Variants in SMAP2 observed in about 807,000 individuals in gnomAD.
SMAP2 encodes the protein small ArfGAP2.
Under a neutral mutation model 56.4 loss-of-function variants are expected in SMAP2, and 25 were observed. The observed-to-expected ratio is 0.44, with a 90% CI of 0.32 to 0.62. The LOEUF (loss-of-function observed/expected upper bound fraction) is 0.62. Among genes scored for constraint, SMAP2 ranks in the 20% least tolerant of loss-of-function variants. SMAP2 has a pLI of 0.04. For synonymous variants in SMAP2, 157 were observed against 181.7 expected (o/e 0.86, Z 1.09); for missense variants, 388 against 545.6 (o/e 0.71, Z 2.88).
intron 7 of SMAP2, 39 bp downstream of exon 7, chr1:40,415,420 GA>G (rs1167764437): frequency 1.5e-6 from 2 of 1,308,552 alleles, no homozygotes; most frequent in East Asian, 4.6e-5. Context: ...AGAACATTCT[GA>G]AATGGGTGAT....
rs527743514 is a variant in SMAP2, at chr1:40,356,601, G to A, written c.-82-5699G>A. Among the ~76,000 whole-genome samples the A allele has an allele frequency of 2.6e-5, 4 of 151,994 alleles. No homozygotes were observed. In the South Asian group the frequency reaches 6.2e-4, roughly 24 times the overall value. ...AATTTTTTGTATTTTTGGTAGAGAC[G>A]GGGTTTCACTGTGTCAACCAGGATG... On this transcript the variant is annotated intron_variant, in intron 1 of 6. Transcript: ENST00000435168.
At chr1:40,375,675 A>G (rs189057860) in intron 1 of SMAP2, 38 of 326,714 alleles carry the variant, frequency 1.2e-4, no homozygotes, top group African/African-American at 5.3e-4. Flanking sequence ...TGTTAGGTCT[A>G]TTGGAAGATT....
intron 1 of SMAP2, among the ~76,000 whole-genome samples, chr1:40,394,294 G>T (rs1027860546): frequency 2.2e-4 from 33 of 152,142 alleles, no homozygotes; most frequent in African/African-American, 7.7e-4. Flanking sequence ...GAATCTTCAA[G>T]TAACCATGTC....
At chr1:40,401,132 G>T (rs1329425958) in intron 1 of SMAP2, among the ~76,000 whole-genome samples, 1 of 152,196 alleles carries the variant, frequency 6.6e-6, no homozygotes, top group African/African-American at 2.4e-5. Context: ...GCGTGATCGC[G>T]GGCGCCTGTA....
intron 1 of SMAP2, among the ~76,000 whole-genome samples, chr1:40,376,134 A>G (rs920150859): frequency 1.3e-5 from 2 of 151,748 alleles, no homozygotes; most frequent in Non-Finnish European, 2.9e-5. Flanking sequence ...TATTTTTAGT[A>G]GAGACAGGGT....
intron 4 of SMAP2, among the ~76,000 whole-genome samples, chr1:40,410,590 A>T (rs754365706): frequency 7.2e-5 from 11 of 152,140 alleles, no homozygotes; most frequent in Admixed American, 2.6e-4. Context: ...ACCTGCTGAT[A>T]ACCAGTGTGT....
At chr1:40,376,194 A>G (rs1007563740) in intron 1 of SMAP2, among the ~76,000 whole-genome samples, 1 of 151,544 alleles carries the variant, frequency 6.6e-6, no homozygotes, top group Non-Finnish European at 1.5e-5. Flanking sequence ...CAGGTGATCC[A>G]CCCGCCTCAG....
intron 6 of SMAP2, among the ~76,000 whole-genome samples, chr1:40,414,805 T>G (rs1046523925): frequency 2.6e-5 from 4 of 152,246 alleles, no homozygotes; most frequent in Non-Finnish European, 5.9e-5. Context: ...TTTGAAATCC[T>G]GAACTAGTGA....
chr1:40,379,639 C>T (rs377459281), intron 1 of SMAP2, among the ~76,000 whole-genome samples: 39 of 149,980 alleles, frequency 2.6e-4, no homozygotes, highest in East Asian at 2.0e-4. Flanking sequence ...CTCCCCCTCC[C>T]GGGTTCAAGT....
chr1:40,374,596 C>CGT lies in SMAP2; in HGVS notation c.103+401_103+402dup, dbSNP rs72258841. The CGT allele has an allele frequency of 1.0e-3, 1,048 of 1,002,096 alleles. 1 individual carries two copies. The highest frequency in any genetic ancestry group is 8.4e-3 in the Admixed American group (368 of 43,754). The allele number at this position is 1,002,096 out of a possible 1,614,324, so 62.1% of individuals were successfully genotyped here. A position where few individuals can be genotyped will look rare whatever the true frequency, so the allele number is the denominator to read the frequency against. ...ACTGCATTGCGTGCGTGCGTGCGTGCGTGTGTGTGTGTGTGTGTGTGTGTG... is the reference window on the plus strand; with the variant it reads ...ACTGCATTGCGTGCGTGCGTGCGTGCGTGTGTGTGTGTGTGTGTGTGTGTGTG... On this transcript the variant is annotated intron_variant, in intron 1 of 9. Coordinates refer to ENST00000372718, the MANE Select transcript of SMAP2 (RefSeq NM_022733.3). This position sits in a 1 kb window ranked among gnomAD's most constrained non-coding sequence, Gnocchi z 5.9.
intron 1 of SMAP2, among the ~76,000 whole-genome samples, chr1:40,357,165 A>G (rs953865863): frequency 1.3e-5 from 2 of 151,892 alleles, no homozygotes; most frequent in Non-Finnish European, 2.9e-5. Context: ...AGTATTTCCA[A>G]TGGACCCCAT....
intron 1 of SMAP2, among the ~76,000 whole-genome samples, chr1:40,401,222 C>T (rs1195120853): frequency 6.6e-6 from 1 of 152,184 alleles, no homozygotes; most frequent in African/African-American, 2.4e-5. Context: ...GAGATCGCGC[C>T]ACTGCACTCC....
chr1:40,381,789 GA>G (rs1644602315), intron 1 of SMAP2, among the ~76,000 whole-genome samples: 1 of 152,212 alleles, frequency 6.6e-6, no homozygotes, highest in Admixed American at 6.5e-5. Context: ...TTGCAGGCAT[GA>G]AACGCTTCCT....
Position 40,386,664 on chromosome 1 carries a change from T to C in SMAP2, c.103+12441T>C, listed in dbSNP as rs1342328293. Among the ~76,000 whole-genome samples, 1 of 136,240 alleles carries C rather than the reference T, an allele frequency of 7.3e-6. No homozygotes were observed. Among genetic ancestry groups the C allele is most frequent in the African/African-American group, 3.8e-5 (1 of 26,462 alleles). 89.4% of individuals were successfully genotyped at this position (136,240 alleles called of 152,430 possible). On this transcript the variant is annotated intron_variant, in intron 1 of 9. Coordinates refer to ENST00000372718, the MANE Select transcript of SMAP2 (RefSeq NM_022733.3). This position sits in a 1 kb window ranked among gnomAD's most constrained non-coding sequence, Gnocchi z 4.1. ...TGCCATAGGAACAGACCAGTTGTTT[T>C]CTGTCTTGTGGGATTTTAGGAGCTG...
chr1:40,416,594 C>T (rs892794299), intron 8 of SMAP2, among the ~76,000 whole-genome samples, 186 bp from the exon 9 acceptor site: 6 of 152,142 alleles, frequency 3.9e-5, no homozygotes, highest in Admixed American at 1.3e-4. Context: ...GAAAATGGCT[C>T]GGTCAGCAGC....
At chr1:40,356,653 G>A (rs570914809) in intron 1 of SMAP2, among the ~76,000 whole-genome samples, 4 of 152,120 alleles carry the variant, frequency 2.6e-5, no homozygotes, top group Non-Finnish European at 4.4e-5. Context: ...TTTGTGAGCC[G>A]CCCGCCTTGG....
chr1:40,400,586 G>A (rs1644822726), intron 1 of SMAP2, among the ~76,000 whole-genome samples: 1 of 152,168 alleles, frequency 6.6e-6, no homozygotes, highest in African/African-American at 2.4e-5. Flanking sequence ...AAGGAGAGAG[G>A]TTTCATGATG....
intron 4 of SMAP2, 44 bp downstream of exon 4, chr1:40,409,879 G>A: frequency 2.4e-6 from 3 of 1,247,718 alleles, no homozygotes; most frequent in Non-Finnish European, 2.4e-6. Flanking sequence ...TAAGTAATGT[G>A]CTTATTAAAT....
chr1:40,374,238 C>A lies in SMAP2; in HGVS notation c.103+15C>A. ...CCAGTCTAAAGGTAGCGCATCCCAC[C>A]TGGCGGGCCAGGGGTCCAGCCGCGC... On this transcript the variant is annotated intron_variant, in intron 1 of 9. Transcript: ENST00000372718. This position sits in a 1 kb window ranked among gnomAD's most constrained non-coding sequence, Gnocchi z 5.9. The A allele has an allele frequency of 6.3e-7, 1 of 1,599,308 alleles. No individual in the cohort carries two copies. Among genetic ancestry groups the A allele is most frequent in the Non-Finnish European group, 8.5e-7 (1 of 1,172,532 alleles).
Sources: allele counts gnomAD v4.1 joint callset (sites outside exome capture counted in the v4.1 genomes callset), GRCh38; gene constraint gnomAD v4.1.1; non-coding constraint Gnocchi (gnomAD v3.1); transcripts MANE v1.5; gene names NCBI Gene and HGNC (gene_info 2026-07-23, HGNC 2026-07-21).